Variants in THSD7B observed in about 807,000 individuals in gnomAD.
The protein encoded by THSD7B is thrombospondin type 1 domain containing 7B, also known as thrombospondin type-1 domain-containing protein 7B.
THSD7B carries 138 observed loss-of-function variants against 213.6 expected under a neutral mutation model. That is an observed-to-expected ratio of 0.65 (90% CI 0.56 to 0.74). The LOEUF (loss-of-function observed/expected upper bound fraction) is 0.74, where lower values mean the gene tolerates loss of function less well. THSD7B is among the 30% of genes least tolerant of loss of function. The probability of loss-of-function intolerance (pLI) is 0.00; values close to 1 mark genes in which losing one functional copy is unlikely to be tolerated. For synonymous variants in THSD7B, 742 were observed against 687.0 expected, an observed-to-expected ratio of 1.08 and a Z score of -1.25; for missense variants, 1,931 against 1,991.5, an observed-to-expected ratio of 0.97 and a Z score of 0.58.
At chr2:137,565,398 G>A (rs1681214885) in intron 16 of THSD7B, among the ~76,000 whole-genome samples, 1 of 152,128 alleles carries the variant, frequency 6.6e-6, no homozygotes, top group African/African-American at 2.4e-5. Flanking sequence ...TTGGAAAGTA[G>A]AAGGACAAGC....
chr2:137,357,314 A>G (rs1558768472), intron 12 of THSD7B, among the ~76,000 whole-genome samples: 1 of 152,162 alleles, frequency 6.6e-6, no homozygotes, highest in Non-Finnish European at 1.5e-5. Flanking sequence ...CAGTGACTAC[A>G]TAGTGTGAAA....
chr2:136,924,775 C>T (rs1363551425), intron 2 of THSD7B, among the ~76,000 whole-genome samples: 1 of 152,114 alleles, frequency 6.6e-6, no homozygotes, highest in East Asian at 1.9e-4. Flanking sequence ...AAAGCGTGAT[C>T]ATTTTAACAA....
chr2:137,443,197 C>T (rs1687457073), intron 14 of THSD7B, among the ~76,000 whole-genome samples: 1 of 152,130 alleles, frequency 6.6e-6, no homozygotes. Flanking sequence ...GTTGCAAGCT[C>T]TGCCTATAAG....
At chr2:137,143,748 A>G (rs1237224563) in intron 5 of THSD7B, among the ~76,000 whole-genome samples, 1 of 151,968 alleles carries the variant, frequency 6.6e-6, no homozygotes, top group Non-Finnish European at 1.5e-5. Flanking sequence ...GTCATTTTTC[A>G]TTCTGTATCT....
intron 2 of THSD7B, among the ~76,000 whole-genome samples, chr2:136,975,323 G>C (rs184322388): frequency 2.8e-3 from 422 of 152,204 alleles, no homozygotes; most frequent in African/African-American, 9.6e-3. Context: ...GGGTTTTATA[G>C]TTTTGGGCTT....
At chr2:136,998,216 A>G (rs956641823) in intron 2 of THSD7B, among the ~76,000 whole-genome samples, 1 of 148,302 alleles carries the variant, frequency 6.7e-6, no homozygotes, top group African/African-American at 2.5e-5. Flanking sequence ...AAAGACAGAG[A>G]TTACCTCCTA....
chr2:137,572,588 A>G lies in THSD7B; in HGVS notation c.3423+32A>G, dbSNP rs756255419. On this transcript the variant is annotated intron_variant, in intron 17 of 27. Transcript: ENST00000409968. ...TCTCTTTCTTTGTCAATGCTCTGAT[A>G]ATCTATTGTTGCCTTCACTGTTGTT... is the stretch of plus-strand genomic sequence containing the variant. The G allele has an allele frequency of 1.6e-5, 26 of 1,612,006 alleles. No individual in the cohort carries two copies. In the East Asian group the frequency reaches 5.3e-4, roughly 33 times the overall value.
chr2:136,899,242 G>A (rs908136605), intron 2 of THSD7B, among the ~76,000 whole-genome samples: 3 of 152,028 alleles, frequency 2.0e-5, no homozygotes, highest in East Asian at 1.9e-4. Flanking sequence ...AGGCTATGTC[G>A]AGTGCTCTAA....
chr2:137,084,044 G>T (rs1210547865), intron 3 of THSD7B, among the ~76,000 whole-genome samples: 3 of 152,004 alleles, frequency 2.0e-5, no homozygotes, highest in African/African-American at 4.8e-5. Flanking sequence ...TTCACAATTA[G>T]GGACTTTACT....
At chr2:137,219,136 C>G (rs532367374) in intron 7 of THSD7B, among the ~76,000 whole-genome samples, 1 of 152,164 alleles carries the variant, frequency 6.6e-6, no homozygotes, top group African/African-American at 2.4e-5. Context: ...CATTATACTT[C>G]TTCAATATAG....
intron 9 of THSD7B, among the ~76,000 whole-genome samples, chr2:137,240,397 T>A (rs189083887): frequency 1.6e-4 from 24 of 152,346 alleles, no homozygotes; most frequent in Non-Finnish European, 3.1e-4. Context: ...CTCAGATTCC[T>A]CTCCCTTCTT....
chr2:137,148,160 G>A (rs766770178), intron 5 of THSD7B, among the ~76,000 whole-genome samples: 2 of 152,080 alleles, frequency 1.3e-5, no homozygotes, highest in Non-Finnish European at 2.9e-5. Context: ...CATGAGATCT[G>A]AAGGTTTTAT....
chr2:137,245,728 A>G (rs146962873), intron 10 of THSD7B, among the ~76,000 whole-genome samples: 10 of 152,288 alleles, frequency 6.6e-5, no homozygotes, highest in South Asian at 2.1e-4. Context: ...TACTCAGTGC[A>G]TATATTTTGA....
At chr2:136,970,814 A>G (rs535768801) in intron 2 of THSD7B, among the ~76,000 whole-genome samples, 1 of 152,224 alleles carries the variant, frequency 6.6e-6, no homozygotes, top group Non-Finnish European at 1.5e-5. Flanking sequence ...AAGAGAGTGA[A>G]AAATGCACCT....
intron 12 of THSD7B, among the ~76,000 whole-genome samples, chr2:137,382,858 T>C (rs1373894700): frequency 6.6e-6 from 1 of 152,120 alleles, no homozygotes. Context: ...TGTCCCCCAT[T>C]CCCAATGGGA....
intron 15 of THSD7B, among the ~76,000 whole-genome samples, chr2:137,456,992 C>T (rs538488508): frequency 6.6e-6 from 1 of 152,242 alleles, no homozygotes; most frequent in South Asian, 2.1e-4. Flanking sequence ...TGGCATTGCA[C>T]TAATTGAGCT....
intron 18 of THSD7B, 147 bp from the exon 19 acceptor site, chr2:137,618,245 T>C (rs17692768): frequency 0.13 from 81,194 of 628,124 alleles, 5,918 homozygotes; most frequent in South Asian, 0.21. Context: ...ATAAGGGCAT[T>C]GCATGATGAT....
intron 27 of THSD7B, among the ~76,000 whole-genome samples, chr2:137,673,945 C>T (rs750668279): frequency 2.6e-5 from 4 of 152,176 alleles, no homozygotes; most frequent in Non-Finnish European, 5.9e-5. Flanking sequence ...CACCACATGG[C>T]CCACAAAGGT....
intron 5 of THSD7B, among the ~76,000 whole-genome samples, chr2:137,136,218 G>C (rs1835803): frequency 0.67 from 102,100 of 151,912 alleles, 36,088 homozygotes; most frequent in Non-Finnish European, 0.78. Flanking sequence ...TTGATGGGTG[G>C]AGCAAAACCA....
Sources: gnomAD v4.1 joint callset for allele counts (sites outside exome capture counted in the v4.1 genomes callset) on GRCh38, gnomAD v4.1.1 for gene constraint, MANE v1.5 for transcripts, NCBI Gene and HGNC (gene_info 2026-07-23, HGNC 2026-07-21) for gene names.